The following TRAPPC13 variants were observed in gnomAD, a reference collection of about 807,000 sequenced individuals.
TRAPPC13 encodes the protein trafficking protein particle complex subunit 13, also known as REV7-interacting novel NHEJ regulator 1.
In TRAPPC13, 39 loss-of-function variants were observed where a neutral mutation model predicts 54.0. The observed-to-expected ratio is 0.72, with a 90% CI of 0.56 to 0.94. The LOEUF is 0.94. Among genes scored for constraint, TRAPPC13 ranks in the 40% least tolerant of loss-of-function variants. The pLI, the probability that TRAPPC13 is intolerant of heterozygous loss-of-function variation, is 0.00. For synonymous variants in TRAPPC13, 148 were observed against 167.7 expected (o/e 0.88, Z 0.91); for missense variants, 386 against 488.1 (o/e 0.79, Z 1.97).
At position 65,665,191 on chromosome 5, in the gene TRAPPC13, C is replaced by CA. The variant is rs1007079726; in HGVS notation, c.*589dup. On this transcript the variant is annotated 3_prime_UTR_variant, in exon 13 of 13. Transcript: ENST00000399438. ...TGAGCGACAGAGTGAGACTCTGTCT[C>CA]AAAAAAAAAGAGGCAGCTGGGCAGA... The CA allele has an allele frequency of 2.6e-5, 4 of 151,802 alleles. No homozygotes were observed. Among genetic ancestry groups the CA allele is most frequent in the East Asian group, 1.9e-4 (1 of 5,164 alleles). 9.4% of individuals were successfully genotyped at this position (151,802 alleles called of 1,614,324 possible). A position where few individuals can be genotyped will look rare whatever the true frequency, so the allele number is the denominator to read the frequency against.
intron 5 of TRAPPC13, among the ~76,000 whole-genome samples, chr5:65,650,201 G>C (rs543608867): frequency 3.2e-4 from 36 of 111,860 alleles, no homozygotes; most frequent in African/African-American, 1.3e-3. Flanking sequence ...TGCTCTTGTT[G>C]CTCAGGCTGG....
At chr5:65,628,981 C>G (rs562148782) in intron 1 of TRAPPC13, among the ~76,000 whole-genome samples, 1 of 152,148 alleles carries the variant, frequency 6.6e-6, no homozygotes, top group South Asian at 2.1e-4. Flanking sequence ...CCACACCCAG[C>G]TAATTTTTTT....
intron 4 of TRAPPC13, among the ~76,000 whole-genome samples, chr5:65,646,361 T>A (rs2150678711): frequency 6.6e-6 from 1 of 152,330 alleles, no homozygotes; most frequent in South Asian, 2.1e-4. Context: ...GACATCTAAT[T>A]TTGTTTTGGA....
intron 9 of TRAPPC13, among the ~76,000 whole-genome samples, chr5:65,660,255 T>C (rs1327684112): frequency 6.6e-6 from 1 of 152,024 alleles, no homozygotes. Context: ...CTTAAGGTTC[T>C]GGTTTCTGTT....
intron 5 of TRAPPC13, among the ~76,000 whole-genome samples, chr5:65,649,133 T>C (rs757575286): frequency 8.5e-5 from 13 of 152,148 alleles, no homozygotes; most frequent in Non-Finnish European, 1.6e-4. Context: ...GGAGGATTGC[T>C]TGAGCCCAGG....
At chr5:65,655,743 T>A in intron 8 of TRAPPC13, 90 bp downstream of exon 8, 1 of 437,508 alleles carries the variant, frequency 2.3e-6, no homozygotes, top group Non-Finnish European at 3.7e-6. Flanking sequence ...CAAAACATAG[T>A]GGAAAAACAG....
chr5:65,626,420 T>C (rs1276015725), intron 1 of TRAPPC13, among the ~76,000 whole-genome samples: 1 of 152,200 alleles, frequency 6.6e-6, no homozygotes, highest in African/African-American at 2.4e-5. Context: ...ACGTGTGATT[T>C]ATACAAATTA....
intron 5 of TRAPPC13, among the ~76,000 whole-genome samples, chr5:65,648,409 TC>T (rs1317857639): frequency 1.3e-5 from 2 of 152,206 alleles, no homozygotes; most frequent in African/African-American, 4.8e-5. Context: ...TCCCTGCCTT[TC>T]CCATTAAAGT....
intron 1 of TRAPPC13, chr5:65,629,967 A>G (rs908665200): frequency 2.0e-6 from 3 of 1,535,956 alleles, no homozygotes; most frequent in African/African-American, 2.7e-5. Context: ...GGAAAACAGC[A>G]CAAGAGGAGA....
At chr5:65,650,628 A>G (rs1043114049) in intron 5 of TRAPPC13, among the ~76,000 whole-genome samples, 182 bp from the exon 6 acceptor site, 2 of 152,206 alleles carry the variant, frequency 1.3e-5, no homozygotes, top group African/African-American at 4.8e-5. Context: ...TTTACTAATC[A>G]GAGCTTTGTT....
At chr5:65,636,785 G>A (rs1198634830) in intron 3 of TRAPPC13, among the ~76,000 whole-genome samples, 1 of 152,104 alleles carries the variant, frequency 6.6e-6, no homozygotes, top group African/African-American at 2.4e-5. Context: ...TAATAAGGTA[G>A]AAGCCCCTGG....
intron 1 of TRAPPC13, chr5:65,626,132 T>C (rs1446618962): frequency 6.6e-6 from 1 of 152,236 alleles, no homozygotes; most frequent in African/African-American, 2.4e-5. Context: ...TAAAATGGAT[T>C]GTTACTCGTG....
intron 1 of TRAPPC13, among the ~76,000 whole-genome samples, chr5:65,629,168 A>G (rs953569102): frequency 6.6e-6 from 1 of 152,210 alleles, no homozygotes; most frequent in African/African-American, 2.4e-5. Context: ...TTTTAAGACT[A>G]TTATTACTTA....
intron 7 of TRAPPC13, among the ~76,000 whole-genome samples, chr5:65,654,269 A>G (rs1368939207): frequency 6.6e-6 from 1 of 152,170 alleles, no homozygotes; most frequent in East Asian, 1.9e-4. Context: ...TTCATTATAC[A>G]TACTCTTTTG....
rs1019867922 is a variant in TRAPPC13, at chr5:65,665,818, A to G, written c.*1207A>G. 6.6e-6 allele frequency: 1 copy of G among 152,616 alleles called. No individual in the cohort carries two copies. The allele number at this position is 152,616 out of a possible 1,614,324, so 9.5% of individuals were successfully genotyped here. On this transcript the variant is annotated 3_prime_UTR_variant, in exon 13 of 13. Coordinates refer to ENST00000399438, the MANE Select transcript of TRAPPC13 (RefSeq NM_024941.4). ...AAAAAGTTTCAGTATTTGTCAGGAAAACAAAAGCTTAGGCTGTTAAATAAA... is the reference window on the plus strand; with the variant it reads ...AAAAAGTTTCAGTATTTGTCAGGAAGACAAAAGCTTAGGCTGTTAAATAAA...
intron 4 of TRAPPC13, 108 bp from the exon 5 acceptor site, chr5:65,646,947 C>T: frequency 1.9e-6 from 2 of 1,070,744 alleles, no homozygotes; most frequent in Non-Finnish European, 2.6e-6. Flanking sequence ...CCCTTTCATC[C>T]TTCTTTCCTA....
chr5:65,654,937 A>G (rs758381117), intron 7 of TRAPPC13, among the ~76,000 whole-genome samples: 4 of 152,224 alleles, frequency 2.6e-5, no homozygotes, highest in Non-Finnish European at 5.9e-5. Flanking sequence ...ACTATAATGT[A>G]AGCCCCTCCC....
chr5:65,658,879 T>C (rs1756748930), intron 9 of TRAPPC13, among the ~76,000 whole-genome samples: 1 of 151,774 alleles, frequency 6.6e-6, no homozygotes, highest in Admixed American at 6.6e-5. Context: ...GCCACCACGC[T>C]TGGTTAATTT....
chr5:65,649,393 T>A (rs891480135), intron 5 of TRAPPC13, among the ~76,000 whole-genome samples: 3 of 152,210 alleles, frequency 2.0e-5, no homozygotes, highest in Admixed American at 6.5e-5. Context: ...GAGAACACAT[T>A]AAGCATTTTT....
Sources: allele counts gnomAD v4.1 joint callset (sites outside exome capture counted in the v4.1 genomes callset), GRCh38; gene constraint gnomAD v4.1.1; transcripts MANE v1.5; gene names NCBI Gene and HGNC (gene_info 2026-07-23, HGNC 2026-07-21).